The following SIAE variants were observed in gnomAD, a reference collection of about 807,000 sequenced individuals.
SIAE encodes the protein sialate O-acetylesterase.
Under a neutral mutation model 52.6 loss-of-function variants are expected in SIAE, and 39 were observed. The ratio of observed to expected loss-of-function variants is 0.74; its 90% CI spans 0.57 to 0.97. SIAE has a LOEUF of 0.97. SIAE is among the 50% of genes least tolerant of loss of function. SIAE has a pLI of 0.00. For synonymous variants in SIAE, 233 were observed against 241.4 expected (o/e 0.97, Z 0.32); for missense variants, 592 against 662.1 (o/e 0.89, Z 1.16).
intron 1 of SIAE, 56 bp from the exon 2 acceptor site, chr11:124,669,577 T>TG: frequency 6.7e-7 from 1 of 1,484,658 alleles, no homozygotes; most frequent in Non-Finnish European, 9.3e-7. Flanking sequence ...TAGCACCAAC[T>TG]GGATCAAGTG....
upstream of SIAE, chr11:124,675,563 G>T (rs1244026453): frequency 5.2e-6 from 4 of 769,338 alleles, no homozygotes; most frequent in Non-Finnish European, 6.1e-6. Flanking sequence ...CTTTGAAACA[G>T]TATGTACCTC....
chr11:124,669,344 A>G lies in SIAE; in HGVS notation c.229+16T>C. 6.2e-7 allele frequency: 1 copy of G among 1,614,080 alleles called. No individual in the cohort carries two copies. The highest frequency in any genetic ancestry group is 8.5e-7 in the Non-Finnish European group (1 of 1,179,948). Reference sequence around the variant, plus strand: ...CAGAAGAGGGCAATAGCTGAACGGAAGATGGGCTGCCTTACCTTTCACACT... The same window carrying G: ...CAGAAGAGGGCAATAGCTGAACGGAGGATGGGCTGCCTTACCTTTCACACT... On this transcript the variant is annotated intron_variant, in intron 2 of 9. Coordinates refer to ENST00000263593, the MANE Select transcript of SIAE (RefSeq NM_170601.5).
Position 124,670,288 on chromosome 11 carries a change from A to G in SIAE, c.68-767T>C, listed in dbSNP as rs2134394626. ...CTAAATTATACTAAAAGGACAAGAG[A>G]AAGCACACTAGAAACTGGATTCTAT... On this transcript the variant is annotated intron_variant, in intron 1 of 9. Coordinates refer to ENST00000263593, the MANE Select transcript of SIAE (RefSeq NM_170601.5). The surrounding 1 kb of genome is among the most constrained non-coding windows in gnomAD (Gnocchi z 4.5). Among the ~76,000 whole-genome samples the G allele has an allele frequency of 6.6e-6, 1 of 152,324 alleles. No individual in the cohort carries two copies. Among genetic ancestry groups the G allele is most frequent in the Middle Eastern group, 3.4e-3 (1 of 294 alleles).
chr11:124,639,569 C>T (rs948719637), intron 8 of SIAE, 141 bp downstream of exon 8: 1 of 987,036 alleles, frequency 1.0e-6, no homozygotes, highest in Non-Finnish European at 1.6e-6. Flanking sequence ...AGGGTGTTTG[C>T]TGTTGTTACT....
chr11:124,669,955 T>C (rs1449034570), intron 1 of SIAE, among the ~76,000 whole-genome samples: 2 of 152,208 alleles, frequency 1.3e-5, no homozygotes, highest in Non-Finnish European at 2.9e-5. Flanking sequence ...CTGCTCCTAA[T>C]GACTGGGAAT....
intron 7 of SIAE, among the ~76,000 whole-genome samples, chr11:124,640,775 A>C (rs1952398576): frequency 6.6e-6 from 1 of 152,220 alleles, no homozygotes; most frequent in Admixed American, 6.5e-5. Flanking sequence ...CAATCAACAG[A>C]AGCAGAAAGT....
At chr11:124,653,189 C>CAG (rs1293582500) in intron 4 of SIAE, among the ~76,000 whole-genome samples, 1 of 152,224 alleles carries the variant, frequency 6.6e-6, no homozygotes, top group Non-Finnish European at 1.5e-5. Flanking sequence ...GATTCACTTT[C>CAG]AGAGTTCCCT....
intron 9 of SIAE, among the ~76,000 whole-genome samples, chr11:124,638,046 A>ATGACCACCC (rs1376944510): frequency 3.3e-5 from 5 of 152,208 alleles, no homozygotes; most frequent in Non-Finnish European, 7.3e-5. Flanking sequence ...CCACAGCAGA[A>ATGACCACCC]TGACCCCTGC....
At chr11:124,671,899 T>C (rs1337884013) in intron 1 of SIAE, among the ~76,000 whole-genome samples, 2 of 151,858 alleles carry the variant, frequency 1.3e-5, no homozygotes, top group Non-Finnish European at 2.9e-5. Flanking sequence ...GTAGCTGAGA[T>C]TACAGGCATG....
upstream of SIAE, chr11:124,675,064 T>G (rs1000215927): frequency 8.9e-6 from 5 of 562,714 alleles, no homozygotes; most frequent in Non-Finnish European, 1.5e-5. Context: ...TTATACTAAT[T>G]CACAATGGAG....
At chr11:124,652,691 C>T (rs1280494048) in intron 4 of SIAE, among the ~76,000 whole-genome samples, 2 of 72,940 alleles carry the variant, frequency 2.7e-5, no homozygotes, top group Admixed American at 3.3e-4. Context: ...GAGACTCGGT[C>T]AAAAAAAAAA....
intron 5 of SIAE, 139 bp from the exon 6 acceptor site, chr11:124,648,314 CTT>C (rs1299684617): frequency 4.3e-6 from 3 of 693,712 alleles, no homozygotes; most frequent in East Asian, 5.5e-5. Flanking sequence ...AATCGAAACT[CTT>C]TTTCTTGAAA....
At position 124,654,704 on chromosome 11, in the gene SIAE, C is replaced by T. The variant is rs1180888288; in HGVS notation, c.495G>A (p.Glu165=). The change falls in exon 4 of 10, where the codon GAG becomes GAA. Residue 165 remains glutamate (E), a synonymous_variant. Coordinates refer to ENST00000263593, the MANE Select transcript of SIAE (RefSeq NM_170601.5). Reference sequence around the variant, plus strand: ...AGTCAACCGCAACAAGGTCCTCCAGCTCCTGCTCTGCTTGAATGGGAGAGA... The same window carrying T: ...AGTCAACCGCAACAAGGTCCTCCAGTTCCTGCTCTGCTTGAATGGGAGAGA... ...LSVSPIQAEQ[E]LEDLVAVDLQ... 3.7e-6 allele frequency: 6 copies of T among 1,614,096 alleles called. No homozygotes were observed. Among genetic ancestry groups the T allele is most frequent in the African/African-American group, 2.7e-5 (2 of 74,932 alleles).
At chr11:124,658,222 G>T (rs145555947) in intron 3 of SIAE, among the ~76,000 whole-genome samples, 2 of 149,924 alleles carry the variant, frequency 1.3e-5, no homozygotes, top group Non-Finnish European at 3.0e-5. Context: ...CAAAGCATGC[G>T]TGTGAGTGTG....
At chr11:124,655,096 AC>A (rs2134374678) in intron 3 of SIAE, among the ~76,000 whole-genome samples, 1 of 152,030 alleles carries the variant, frequency 6.6e-6, no homozygotes, top group South Asian at 2.1e-4. Flanking sequence ...CACTTACAAC[AC>A]TCTGATACCT....
At chr11:124,646,536 G>A (rs527513853) in intron 7 of SIAE, among the ~76,000 whole-genome samples, 1 of 151,606 alleles carries the variant, frequency 6.6e-6, no homozygotes, top group East Asian at 1.9e-4. Context: ...GAGTGAGAGA[G>A]CACGGTGGAT....
At chr11:124,668,063 G>A (rs1462445964) in intron 2 of SIAE, among the ~76,000 whole-genome samples, 2 of 152,100 alleles carry the variant, frequency 1.3e-5, no homozygotes, top group Non-Finnish European at 2.9e-5. Flanking sequence ...TGTCCGTTTA[G>A]AATAAAACAT....
intron 5 of SIAE, 41 bp downstream of exon 5, chr11:124,649,578 C>A (rs1444840577): frequency 6.2e-7 from 1 of 1,609,794 alleles, no homozygotes; most frequent in Admixed American, 1.7e-5. Context: ...TTGCATAATT[C>A]CCTGGTAGGC....
chr11:124,637,276 G>A, intron 9 of SIAE, 74 bp from the exon 10 acceptor site: 6 of 1,596,024 alleles, frequency 3.8e-6, no homozygotes, highest in Non-Finnish European at 5.1e-6. Context: ...TGCTCTTTCA[G>A]ACAGAATGGA....
Sources: gnomAD v4.1 joint callset for allele counts (sites outside exome capture counted in the v4.1 genomes callset) on GRCh38, gnomAD v4.1.1 for gene constraint, Gnocchi (gnomAD v3.1) non-coding constraint, MANE v1.5 for transcripts, NCBI Gene and HGNC (gene_info 2026-07-23, HGNC 2026-07-21) for gene names.